ZNF98: variants seen among roughly 807,000 people sequenced by gnomAD.
ZNF98 encodes zinc finger protein 739.
In ZNF98, 8 loss-of-function variants were observed where a neutral mutation model predicts 12.8. The observed-to-expected ratio is 0.63, with a 90% CI of 0.37 to 1.13. The LOEUF (loss-of-function observed/expected upper bound fraction) is 1.13. Among genes scored for constraint, ZNF98 ranks in the 50% most tolerant of loss-of-function variants. ZNF98 has a pLI of 0.01. For synonymous variants in ZNF98, 112 were observed against 223.5 expected, an observed-to-expected ratio of 0.50 and a Z score of 4.45; for missense variants, 379 against 666.1, an observed-to-expected ratio of 0.57 and a Z score of 4.74.
chr19:22,397,212 T>TGTGTG (rs1555703682), intron 3 of ZNF98, among the ~76,000 whole-genome samples: 68 of 145,326 alleles, frequency 4.7e-4, no homozygotes, highest in East Asian at 3.8e-3. Flanking sequence ...GTGTGTGTTT[T>TGTGTG]TGTGTGTGTG....
At chr19:22,396,788 G>C (rs1969398692) in intron 3 of ZNF98, among the ~76,000 whole-genome samples, 1 of 152,258 alleles carries the variant, frequency 6.6e-6, no homozygotes, top group South Asian at 2.1e-4. Context: ...AAATGTACTT[G>C]AAGTTAAAAC....
chr19:22,409,294 A>G (rs1361725165), intron 1 of ZNF98, among the ~76,000 whole-genome samples: 1 of 152,172 alleles, frequency 6.6e-6, no homozygotes, highest in African/African-American at 2.4e-5. Context: ...TTTACTCAAG[A>G]TGGATTAAAG....
chr19:22,409,893 C>T (rs1017237153), intron 1 of ZNF98, among the ~76,000 whole-genome samples: 9 of 111,778 alleles, frequency 8.1e-5, no homozygotes, highest in African/African-American at 3.0e-4. Flanking sequence ...GCCTGGGAGA[C>T]AGAACGAGAC....
At chr19:22,396,926 G>A (rs1241855442) in intron 3 of ZNF98, among the ~76,000 whole-genome samples, 1 of 152,032 alleles carries the variant, frequency 6.6e-6, no homozygotes, top group Non-Finnish European at 1.5e-5. Context: ...TTCGAGACTG[G>A]CCTGGCCAAC....
rs1390563995 is a variant in ZNF98, at chr19:22,403,522, A to T, written c.31-10T>A. ...TAAATGTCAACACTCCCTGAAAAAC[A>T]TACAAACACACATACATATTTACCA... On this transcript the variant is annotated splice_polypyrimidine_tract_variant and intron_variant, in intron 1 of 3. Coordinates refer to ENST00000357774, the MANE Select transcript of ZNF98 (RefSeq NM_001098626.2). 2 of 1,588,420 alleles carry T rather than the reference A, an allele frequency of 1.3e-6. No homozygotes were observed. Among genetic ancestry groups the T allele is most frequent in the Non-Finnish European group, 1.7e-6 (2 of 1,172,752 alleles).
intron 1 of ZNF98, among the ~76,000 whole-genome samples, chr19:22,421,520 G>A (rs1337350590): frequency 6.6e-6 from 1 of 152,018 alleles, no homozygotes; most frequent in Non-Finnish European, 1.5e-5. Context: ...TACTACATTG[G>A]GGGAAACAAA....
chr19:22,411,088 G>A (rs373452145), intron 1 of ZNF98, among the ~76,000 whole-genome samples: 88 of 150,228 alleles, frequency 5.9e-4, no homozygotes, highest in African/African-American at 2.0e-3. Flanking sequence ...TGTTGCCCAG[G>A]CTAGAGTGCA....
intron 1 of ZNF98, among the ~76,000 whole-genome samples, chr19:22,413,350 C>T (rs566908416): frequency 2.0e-5 from 3 of 152,198 alleles, no homozygotes; most frequent in South Asian, 4.1e-4. Context: ...CCTATAATCT[C>T]GGCAGAAAAG....
At chr19:22,402,476 T>G (rs1177728747) in intron 3 of ZNF98, 1 of 413,038 alleles carries the variant, frequency 2.4e-6, no homozygotes, top group Non-Finnish European at 4.2e-6. Flanking sequence ...GCAGATTATC[T>G]ATGTGTTTTC....
At chr19:22,395,826 A>T (rs773345174) in intron 3 of ZNF98, among the ~76,000 whole-genome samples, 10 of 151,864 alleles carry the variant, frequency 6.6e-5, no homozygotes, top group Non-Finnish European at 1.3e-4. Context: ...TATCAACAAA[A>T]ATTTTGCAGA....
chr19:22,394,589 G>A (rs1969368868), intron 3 of ZNF98, among the ~76,000 whole-genome samples: 1 of 150,860 alleles, frequency 6.6e-6, no homozygotes, highest in Admixed American at 6.7e-5. Context: ...CACAAGGACA[G>A]AAAACCAAAC....
At chr19:22,406,984 G>A (rs760265603) in intron 1 of ZNF98, among the ~76,000 whole-genome samples, 36 of 152,048 alleles carry the variant, frequency 2.4e-4, no homozygotes, top group Non-Finnish European at 4.3e-4. Context: ...AAACTCCACT[G>A]AGCTAAAGGA....
Position 22,392,713 on chromosome 19 carries a change from T to C in ZNF98, c.522A>G (p.Ile174Met), listed in dbSNP as rs754967881. 3 of 1,604,508 alleles carry C rather than the reference T, an allele frequency of 1.9e-6. No homozygotes were observed. The highest frequency in any genetic ancestry group is 1.7e-4 in the Middle Eastern group (1 of 6,022). Residue 174 changes from isoleucine to methionine, a missense_variant, in exon 4 of 4, where the codon ATA becomes ATG. Physicochemically the swap from Ile to Met is conservative, Grantham distance 10 (BLOSUM62 1). Coordinates refer to ENST00000357774, the MANE Select transcript of ZNF98 (RefSeq NM_001098626.2). ...TGAAAGATTTCTTTCCAGTATGTCC[T>C]ATCTTATGTCTGTTTGAATTTGAAA... ...HKFSNSNRHK[I>M]GHTGKKSFKC... is the part of the protein sequence containing the mutation.
intron 1 of ZNF98, among the ~76,000 whole-genome samples, chr19:22,405,126 C>G (rs1466238499): frequency 6.6e-6 from 1 of 151,920 alleles, no homozygotes; most frequent in Non-Finnish European, 1.5e-5. Context: ...TTCAGACACC[C>G]CTGACTATTA....
intron 3 of ZNF98, among the ~76,000 whole-genome samples, chr19:22,401,192 T>C (rs992654345): frequency 7.3e-5 from 11 of 150,928 alleles, no homozygotes; most frequent in African/African-American, 1.7e-4. Flanking sequence ...ATCTTGTATA[T>C]AGAAAACCAT....
Position 22,422,261 on chromosome 19 carries a change from G to A in ZNF98, c.-37C>T. The stretch of plus-strand genomic sequence containing the variant: ...ATTCCCAATACCTGCAGGTCACAGG[G>A]CCACAGAGGCTGGGCCTCTACGAGC... On this transcript the variant is annotated 5_prime_UTR_variant, in exon 1 of 4. Transcript: ENST00000357774. The A allele has an allele frequency of 6.2e-7, 1 of 1,609,642 alleles. No individual in the cohort carries two copies. The highest frequency in any genetic ancestry group is 8.5e-7 in the Non-Finnish European group (1 of 1,177,080).
chr19:22,416,684 G>A (rs1568296872), intron 1 of ZNF98, among the ~76,000 whole-genome samples: 2 of 151,422 alleles, frequency 1.3e-5, no homozygotes, highest in Non-Finnish European at 1.5e-5. Context: ...CCCAGGAGGC[G>A]AAGGTTGCAG....
rs933632025 is a variant in ZNF98 at position 22,391,279 on chromosome 19, G to A, written c.*237C>T. The A allele has an allele frequency of 6.3e-6, 5 of 799,770 alleles. No individual in the cohort carries two copies. The highest frequency in any genetic ancestry group is 1.8e-5 in the African/African-American group (1 of 57,000). 49.5% of individuals were successfully genotyped at this position (799,770 alleles called of 1,614,324 possible). A position where few individuals can be genotyped will look rare whatever the true frequency, so the allele number is the denominator to read the frequency against. ...GTAATTGCACCTTTAATGCTATTAA[G>A]TATAAATTCTCTGATGCTGAATAAG... On this transcript the variant is annotated 3_prime_UTR_variant, in exon 4 of 4. Coordinates refer to ENST00000357774, the MANE Select transcript of ZNF98 (RefSeq NM_001098626.2).
intron 1 of ZNF98, among the ~76,000 whole-genome samples, chr19:22,421,382 C>G (rs1319624050): frequency 6.6e-6 from 1 of 152,114 alleles, no homozygotes; most frequent in Non-Finnish European, 1.5e-5. Flanking sequence ...TGAGACCCTG[C>G]TTGGGACCCA....
Sources: allele counts gnomAD v4.1 joint callset (sites outside exome capture counted in the v4.1 genomes callset), GRCh38; gene constraint gnomAD v4.1.1; transcripts MANE v1.5; gene names NCBI Gene and HGNC (gene_info 2026-07-23, HGNC 2026-07-21).